ZNF407: variants seen among roughly 807,000 people sequenced by gnomAD.
The protein encoded by ZNF407 is zinc finger protein 407.
A neutral mutation model predicts 131.2 loss-of-function variants in ZNF407; 17 were observed. The observed-to-expected ratio is 0.13, with a 90% CI of 0.09 to 0.19. The LOEUF (loss-of-function observed/expected upper bound fraction) is 0.19, where lower values mean the gene tolerates loss of function less well. Among genes scored for constraint, ZNF407 ranks in the 10% least tolerant of loss-of-function variants. The pLI is 1.00. For missense variants in ZNF407, 2,681 were observed against 2,830.6 expected (o/e 0.95, Z 1.20); for synonymous variants, 1,156 against 1,062.0 (o/e 1.09, Z -1.72).
At chr18:74,804,456 G>C (rs566014167) in intron 4 of ZNF407, 1 of 990,676 alleles carries the variant, frequency 1.0e-6, no homozygotes, top group Non-Finnish European at 1.2e-6. Flanking sequence ...GAAGTCTTTC[G>C]TTAATCAGCA....
At chr18:75,029,644 T>G (rs1973216083) in intron 8 of ZNF407, among the ~76,000 whole-genome samples, 1 of 152,232 alleles carries the variant, frequency 6.6e-6, no homozygotes, top group African/African-American at 2.4e-5. Flanking sequence ...TGCGTGCGTG[T>G]GCATGCGCAG....
At chr18:74,915,398 A>C (rs1971737029) in intron 7 of ZNF407, among the ~76,000 whole-genome samples, 1 of 70,968 alleles carries the variant, frequency 1.4e-5, no homozygotes, top group Non-Finnish European at 2.8e-5. Flanking sequence ...ATTGGTTCGA[A>C]TCAGGAGTGT....
chr18:75,050,385 T>G (rs1185740658), intron 8 of ZNF407, among the ~76,000 whole-genome samples: 2 of 152,240 alleles, frequency 1.3e-5, no homozygotes, highest in Non-Finnish European at 2.9e-5. Context: ...GTCTAAAATT[T>G]TATCCAGCTT....
chr18:74,966,183 C>T (rs1179737972), intron 8 of ZNF407, among the ~76,000 whole-genome samples: 1 of 152,094 alleles, frequency 6.6e-6, no homozygotes, highest in Non-Finnish European at 1.5e-5. Context: ...TCACATTTGT[C>T]CATTTTTGCT....
chr18:74,842,023 A>T (rs1970640749), intron 4 of ZNF407, among the ~76,000 whole-genome samples: 1 of 152,188 alleles, frequency 6.6e-6, no homozygotes, highest in Admixed American at 6.5e-5. Context: ...TATTCTTAAG[A>T]TTAGATTAAG....
chr18:74,918,712 A>G (rs899127308), intron 7 of ZNF407, among the ~76,000 whole-genome samples: 1 of 152,024 alleles, frequency 6.6e-6, no homozygotes, highest in African/African-American at 2.4e-5. Context: ...GTCCTTTTTT[A>G]TTTTTTAAAA....
intron 4 of ZNF407, among the ~76,000 whole-genome samples, chr18:74,814,866 A>T (rs931009145): frequency 1.3e-5 from 2 of 152,072 alleles, no homozygotes; most frequent in Admixed American, 6.5e-5. Flanking sequence ...CCCTTAATGA[A>T]TTTGTTATGC....
intron 8 of ZNF407, among the ~76,000 whole-genome samples, chr18:75,055,913 G>T (rs74536211): frequency 0.039 from 5,967 of 152,270 alleles, 192 homozygotes; most frequent in African/African-American, 0.087. Context: ...GTATTTGAAT[G>T]TATGTGAAAG....
chr18:74,643,813 A>G (rs1467221018), intron 3 of ZNF407, among the ~76,000 whole-genome samples: 1 of 151,998 alleles, frequency 6.6e-6, no homozygotes, highest in Admixed American at 6.6e-5. Context: ...GGGTTGTGAC[A>G]AAAACTGCCT....
chr18:74,741,555 T>G (rs1301488929), intron 3 of ZNF407, among the ~76,000 whole-genome samples: 2 of 152,136 alleles, frequency 1.3e-5, no homozygotes, highest in African/African-American at 4.8e-5. Flanking sequence ...TGTTCTATGT[T>G]AAGTTTAGAG....
chr18:75,059,361 C>T (rs1275413919), intron 8 of ZNF407, among the ~76,000 whole-genome samples: 21 of 152,232 alleles, frequency 1.4e-4, no homozygotes, highest in Admixed American at 5.9e-4. Flanking sequence ...TCCTTCCCAA[C>T]TACAGTAGTT....
chr18:75,049,061 T>C (rs540685567), intron 8 of ZNF407, among the ~76,000 whole-genome samples: 1 of 149,502 alleles, frequency 6.7e-6, no homozygotes, highest in Non-Finnish European at 1.5e-5. Flanking sequence ...CCTCGTTGTT[T>C]TTCCAAATAA....
chr18:75,055,342 A>C (rs1973549820), intron 8 of ZNF407, among the ~76,000 whole-genome samples: 1 of 152,162 alleles, frequency 6.6e-6, no homozygotes, highest in Non-Finnish European at 1.5e-5. Flanking sequence ...ATGGTTGTGC[A>C]CCACGATCTC....
At chr18:74,939,555 T>C (rs1021129567) in intron 8 of ZNF407, among the ~76,000 whole-genome samples, 17 of 152,210 alleles carry the variant, frequency 1.1e-4, no homozygotes, top group Non-Finnish European at 2.4e-4. Context: ...CAAAAGTATA[T>C]GCAAAAATGC....
chr18:74,932,030 A>G (rs1971988510), intron 8 of ZNF407, among the ~76,000 whole-genome samples: 1 of 152,158 alleles, frequency 6.6e-6, no homozygotes, highest in East Asian at 1.9e-4. Flanking sequence ...AAGTCATAGT[A>G]TTCATAAGGT....
chr18:74,953,796 T>G (rs1441159048), intron 8 of ZNF407, among the ~76,000 whole-genome samples: 1 of 152,254 alleles, frequency 6.6e-6, no homozygotes, highest in Non-Finnish European at 1.5e-5. Context: ...CTTACTCCGA[T>G]GTCATTGTGT....
chr18:74,908,139 T>G (rs1272464890), intron 7 of ZNF407, among the ~76,000 whole-genome samples: 2 of 152,234 alleles, frequency 1.3e-5, no homozygotes, highest in East Asian at 3.8e-4. Flanking sequence ...TGCATAGTTT[T>G]ACTCCTTTTC....
chr18:74,634,419 A>G lies in ZNF407; in HGVS notation c.3400A>G (p.Thr1134Ala). Residue 1134 changes from threonine to alanine, a missense_variant, in exon 2 of 9, where the codon ACT becomes GCT. Around this residue, in one of 6 missense-constraint regions of ZNF407, gnomAD observed 1,789 missense variants for 1,748.7 expected, o/e 1.02. Transcript: ENST00000299687. ...AGATTGCTCTATTTTAAATGAGAAT[A>G]CTAATTTAGATATGTCTAAAGTGCT... Reference protein sequence around the residue: ...AADCSILNENTNLDMSKVLCA... With the variant: ...AADCSILNENANLDMSKVLCA... 1.9e-6 allele frequency: 3 copies of G among 1,613,464 alleles called. No individual in the cohort carries two copies. The highest frequency in any genetic ancestry group is 2.5e-6 in the Non-Finnish European group (3 of 1,179,758).
At chr18:74,887,019 G>A (rs1023927088) in intron 6 of ZNF407, among the ~76,000 whole-genome samples, 1 of 152,096 alleles carries the variant, frequency 6.6e-6, no homozygotes, top group Non-Finnish European at 1.5e-5. Flanking sequence ...CATGTGTACA[G>A]CACTTTGACA....
Sources: allele counts gnomAD v4.1 joint callset (sites outside exome capture counted in the v4.1 genomes callset), GRCh38; gene constraint gnomAD v4.1.1; regional missense constraint gnomAD v4.1.1; transcripts MANE v1.5; gene names NCBI Gene and HGNC (gene_info 2026-07-23, HGNC 2026-07-21).